Variants in TRHDE observed in about 807,000 individuals in gnomAD.
TRHDE encodes the protein thyrotropin releasing hormone degrading enzyme.
Under a neutral mutation model 125.7 loss-of-function variants are expected in TRHDE, and 72 were observed. That is an observed-to-expected ratio of 0.57 (90% CI 0.47 to 0.70). TRHDE has a LOEUF of 0.70. Ranked by LOEUF, TRHDE falls within the 30% of genes least tolerant of loss-of-function variation. The pLI is 0.00. For missense variants in TRHDE, 1,110 were observed against 1,327.1 expected (o/e 0.84, Z 2.54); for synonymous variants, 509 against 509.1 (o/e 1.00, Z 0.00).
At chr12:72,638,774 G>A (rs1310556425) in intron 15 of TRHDE, among the ~76,000 whole-genome samples, 3 of 151,822 alleles carry the variant, frequency 2.0e-5, no homozygotes, top group Non-Finnish European at 4.4e-5. Context: ...AGCTTAGTTT[G>A]GCTAGATATG....
intron 5 of TRHDE, among the ~76,000 whole-genome samples, chr12:72,481,261 T>C (rs1398839428): frequency 6.6e-6 from 1 of 150,936 alleles, no homozygotes; most frequent in Non-Finnish European, 1.5e-5. Context: ...ACTTTAATAC[T>C]GTTCAAGATA....
chr12:72,647,610 CAGACAT>C (rs767731105), intron 15 of TRHDE, among the ~76,000 whole-genome samples: 21 of 151,954 alleles, frequency 1.4e-4, no homozygotes, highest in Non-Finnish European at 2.8e-4. Flanking sequence ...ACTGATGCCA[CAGACAT>C]AAAGAGGATC....
At chr12:72,630,379 G>T (rs901372653) in intron 15 of TRHDE, among the ~76,000 whole-genome samples, 1 of 151,716 alleles carries the variant, frequency 6.6e-6, no homozygotes, top group Admixed American at 6.6e-5. Context: ...GCCAAGAATT[G>T]CTGGAGCCAT....
chr12:72,171,302 G>A (rs1178448783), intron 2 of TRHDE, among the ~76,000 whole-genome samples: 1 of 152,156 alleles, frequency 6.6e-6, no homozygotes, highest in Non-Finnish European at 1.5e-5. Flanking sequence ...AGGAAAAGGG[G>A]AAAAGACCCA....
rs539808456 is a variant in TRHDE at position 72,655,683 on chromosome 12, T to A, written c.2985-1244T>A. On this transcript the variant is annotated intron_variant, in intron 17 of 18. Coordinates refer to ENST00000261180, the MANE Select transcript of TRHDE (RefSeq NM_013381.3). ...TATAATACCTTCAAGGAACAGACTGTACCTTATTATTTTCTTATTATATCT... is the reference window on the plus strand; with the variant it reads ...TATAATACCTTCAAGGAACAGACTGAACCTTATTATTTTCTTATTATATCT... Among the ~76,000 whole-genome samples, 13 of 152,300 alleles carry A rather than the reference T, an allele frequency of 8.5e-5. 1 individual carries two copies. The highest frequency in any genetic ancestry group is 3.1e-4 in the African/African-American group (13 of 41,566).
chr12:72,468,312 G>A (rs1227277630), intron 3 of TRHDE, among the ~76,000 whole-genome samples: 1 of 152,212 alleles, frequency 6.6e-6, no homozygotes, highest in East Asian at 1.9e-4. Context: ...TGTATGCAGT[G>A]TTAGAATCTA....
intron 7 of TRHDE, among the ~76,000 whole-genome samples, chr12:72,554,261 A>G (rs1801006153): frequency 6.6e-6 from 1 of 152,112 alleles, no homozygotes; most frequent in South Asian, 2.1e-4. Flanking sequence ...TTGCTATTAA[A>G]ATAACTGAAG....
chr12:72,456,648 A>C (rs2135878606), intron 3 of TRHDE, among the ~76,000 whole-genome samples: 1 of 152,148 alleles, frequency 6.6e-6, no homozygotes, highest in African/African-American at 2.4e-5. Flanking sequence ...TATTATGTCA[A>C]TTCCCTGAGT....
intron 2 of TRHDE, among the ~76,000 whole-genome samples, chr12:72,164,001 G>A (rs1475703295): frequency 6.6e-6 from 1 of 152,040 alleles, no homozygotes; most frequent in African/African-American, 2.4e-5. Context: ...GTCCCAGCTA[G>A]CTGGGAGGCT....
At chr12:72,545,188 A>G (rs1349595662) in intron 7 of TRHDE, among the ~76,000 whole-genome samples, 1 of 151,490 alleles carries the variant, frequency 6.6e-6, no homozygotes, top group Non-Finnish European at 1.5e-5. Context: ...ACTAATAAAT[A>G]TTTTTTAAAT....
At chr12:72,100,549 G>A (rs1875042421) in intron 1 of TRHDE, among the ~76,000 whole-genome samples, 1 of 152,200 alleles carries the variant, frequency 6.6e-6, no homozygotes, top group Non-Finnish European at 1.5e-5. Flanking sequence ...ACTGTGGTGT[G>A]TTTGCTGTTG....
intron 7 of TRHDE, among the ~76,000 whole-genome samples, chr12:72,556,693 C>G (rs1869942317): frequency 6.6e-6 from 1 of 152,108 alleles, no homozygotes; most frequent in African/African-American, 2.4e-5. Context: ...AGTGATTGCC[C>G]CCGTATAAAA....
intron 2 of TRHDE, among the ~76,000 whole-genome samples, chr12:72,176,064 A>C (rs1876981635): frequency 6.6e-6 from 1 of 152,146 alleles, no homozygotes. Context: ...TCTGGCTAAA[A>C]TTTCTGGTCC....
At chr12:72,140,454 A>G (rs1371704455) in intron 2 of TRHDE, 1 of 150,984 alleles carries the variant, frequency 6.6e-6, no homozygotes, top group Admixed American at 6.6e-5. Context: ...ATTGATTGTT[A>G]TCTTATATCT....
At chr12:72,368,381 A>G (rs1871429001) in intron 2 of TRHDE, among the ~76,000 whole-genome samples, 1 of 152,128 alleles carries the variant, frequency 6.6e-6, no homozygotes, top group East Asian at 1.9e-4. Context: ...GCAATTATAT[A>G]TGTATTTTTA....
intron 3 of TRHDE, among the ~76,000 whole-genome samples, chr12:72,406,061 C>A (rs1873253140): frequency 6.6e-6 from 1 of 152,160 alleles, no homozygotes; most frequent in Non-Finnish European, 1.5e-5. Context: ...GCTTAAGTAA[C>A]TTGGCTGTTT....
chr12:72,418,242 A>G (rs762865659), intron 3 of TRHDE, among the ~76,000 whole-genome samples: 4 of 152,008 alleles, frequency 2.6e-5, no homozygotes, highest in Non-Finnish European at 5.9e-5. Flanking sequence ...TTTGTGTTCA[A>G]TTTTAGTGGC....
At chr12:72,638,337 T>G (rs1873862252) in intron 15 of TRHDE, among the ~76,000 whole-genome samples, 1 of 152,032 alleles carries the variant, frequency 6.6e-6, no homozygotes. Flanking sequence ...CCCTGCCTTT[T>G]TTTGTTTTCC....
chr12:72,209,741 G>A (rs986924044), intron 2 of TRHDE, among the ~76,000 whole-genome samples: 1 of 152,114 alleles, frequency 6.6e-6, no homozygotes, highest in South Asian at 2.1e-4. Flanking sequence ...TTCACTTAAG[G>A]TTAAAATAAC....
Sources: gnomAD v4.1 joint callset for allele counts (sites outside exome capture counted in the v4.1 genomes callset) on GRCh38, gnomAD v4.1.1 for gene constraint, MANE v1.5 for transcripts, NCBI Gene and HGNC (gene_info 2026-07-23, HGNC 2026-07-21) for gene names.